USP10: variants seen among roughly 807,000 people sequenced by gnomAD.
The protein encoded by USP10 is ubiquitin specific peptidase 10.
A neutral mutation model predicts 84.5 loss-of-function variants in USP10; 22 were observed. The observed-to-expected ratio is 0.26, with a 90% CI of 0.19 to 0.37. The LOEUF (loss-of-function observed/expected upper bound fraction) is 0.37. Ranked by LOEUF, USP10 falls within the 10% of genes least tolerant of loss-of-function variation. The pLI is 1.00. For synonymous variants in USP10, 454 were observed against 387.6 expected (o/e 1.17, Z -2.01); for missense variants, 1,019 against 998.9 (o/e 1.02, Z -0.27).
In USP10 at chr16:84,779,203, G is replaced by T. The variant is rs1311156285; in HGVS notation, c.*121G>T. The T allele has an allele frequency of 7.2e-6, 9 of 1,246,738 alleles. No homozygotes were observed. Among genetic ancestry groups the T allele is most frequent in the Non-Finnish European group, 9.8e-6 (9 of 914,104 alleles). The allele number at this position is 1,246,738 out of a possible 1,614,324, so 77.2% of individuals were successfully genotyped here. A position where few individuals can be genotyped will look rare whatever the true frequency, so the allele number is the denominator to read the frequency against. ...ACTCTTTCTCCCTTTGCAAAAATGGGCTAGAATGAAAAGGAGATGCCTTGG... is the reference window on the plus strand; with the variant it reads ...ACTCTTTCTCCCTTTGCAAAAATGGTCTAGAATGAAAAGGAGATGCCTTGG... On this transcript the variant is annotated 3_prime_UTR_variant, in exon 14 of 14. Transcript: ENST00000219473.
intron 2 of USP10, among the ~76,000 whole-genome samples, chr16:84,735,765 G>C (rs1308592106): frequency 6.6e-6 from 1 of 152,052 alleles, no homozygotes; most frequent in Non-Finnish European, 1.5e-5. Flanking sequence ...GGGCTTTTCT[G>C]TTTTTCTTAT....
intron 10 of USP10, among the ~76,000 whole-genome samples, chr16:84,764,838 AAAAAG>A (rs1913642853): frequency 1.3e-5 from 2 of 151,568 alleles, no homozygotes; most frequent in South Asian, 4.2e-4. Context: ...TCAAGAAAAA[AAAAAG>A]AAAAAGATAC....
chr16:84,724,840 G>A (rs1239317365), intron 1 of USP10, among the ~76,000 whole-genome samples: 1 of 152,172 alleles, frequency 6.6e-6, no homozygotes, highest in African/African-American at 2.4e-5. Context: ...GCATTCACTA[G>A]TTGATGATAG....
intron 2 of USP10, among the ~76,000 whole-genome samples, chr16:84,737,781 G>C (rs1910121192): frequency 6.6e-6 from 1 of 152,164 alleles, no homozygotes; most frequent in South Asian, 2.1e-4. Context: ...ACAGTAACAG[G>C]ACCTCCTCCC....
chr16:84,760,619 G>A (rs866548255), intron 8 of USP10, among the ~76,000 whole-genome samples: 3 of 152,204 alleles, frequency 2.0e-5, no homozygotes, highest in Admixed American at 6.5e-5. Context: ...GGGGTAGAAT[G>A]GAGTGCACTG....
intron 1 of USP10, among the ~76,000 whole-genome samples, chr16:84,704,450 C>G (rs980015107): frequency 6.6e-6 from 1 of 152,230 alleles, no homozygotes; most frequent in Admixed American, 6.5e-5. Context: ...TGTCATTTGT[C>G]ACTTTAGTGC....
chr16:84,711,963 G>A (rs917687105), intron 1 of USP10, among the ~76,000 whole-genome samples: 72 of 151,980 alleles, frequency 4.7e-4, no homozygotes, highest in East Asian at 3.9e-4. Context: ...GAAGTGATCC[G>A]CCTGCCTCAG....
At chr16:84,700,741 T>A (rs1904757573) in intron 1 of USP10, among the ~76,000 whole-genome samples, 1 of 152,150 alleles carries the variant, frequency 6.6e-6, no homozygotes, top group Non-Finnish European at 1.5e-5. Flanking sequence ...GTGACATCCC[T>A]TGCACGAATC....
At chr16:84,750,590 T>C (rs558966049) in intron 4 of USP10, among the ~76,000 whole-genome samples, 74 of 152,294 alleles carry the variant, frequency 4.9e-4, no homozygotes, top group African/African-American at 1.7e-3. Context: ...TATGCTTTCA[T>C]TGAACATTGT....
Position 84,759,916 on chromosome 16 carries a change from A to G in USP10, c.1420A>G (p.Asn474Asp), listed in dbSNP as rs376292701. ...TGTTCGGCTAATGAATGAGTTCACT[A>G]ATATGCCAGTACCTCCAAAACCCCG... ...SFVRLMNEFT[N>D]MPVPPKPRQA... The change falls in exon 7 of 14, where the codon AAT (asparagine) becomes GAT (aspartate). Residue 474 changes from asparagine to aspartate, a missense_variant. Coordinates refer to ENST00000219473, the MANE Select transcript of USP10 (RefSeq NM_005153.3). The G allele has an allele frequency of 1.2e-6, 2 of 1,613,900 alleles. No homozygotes were observed. The highest frequency in any genetic ancestry group is 2.7e-5 in the African/African-American group (2 of 74,944).
chr16:84,727,952 A>G (rs1908720795), intron 1 of USP10, among the ~76,000 whole-genome samples: 1 of 152,234 alleles, frequency 6.6e-6, no homozygotes, highest in Non-Finnish European at 1.5e-5. Flanking sequence ...CTTCCAGCAC[A>G]GGATCCAGTC....
rs563671385 is a variant in USP10 at position 84,759,498 on chromosome 16, T to C, written c.1394+26T>C. On this transcript the variant is annotated intron_variant, in intron 6 of 13. Coordinates refer to ENST00000219473, the MANE Select transcript of USP10 (RefSeq NM_005153.3). ...GTAAGTAAGGTGGTGAAAGATGTGT[T>C]AAGTGGTGGGGTTTTTCCCGTCTGA... 1.9e-5 allele frequency: 31 copies of C among 1,598,116 alleles called. No homozygotes were observed. In the South Asian group the frequency reaches 3.1e-4, roughly 16 times the overall value.
chr16:84,766,111 C>G (rs1028828504), intron 10 of USP10, among the ~76,000 whole-genome samples: 2 of 152,310 alleles, frequency 1.3e-5, no homozygotes, highest in East Asian at 3.9e-4. Context: ...GGCATCAAGA[C>G]TTGATTCAGT....
chr16:84,759,829 T>G (rs1409657161), intron 6 of USP10, 62 bp from the exon 7 acceptor site: 2 of 1,516,406 alleles, frequency 1.3e-6, no homozygotes, highest in Middle Eastern at 2.1e-4. Context: ...CCATCAAAGC[T>G]CTTTAGTAAA....
At chr16:84,733,331 A>G in intron 1 of USP10, 104 bp from the exon 2 acceptor site, 1 of 862,222 alleles carries the variant, frequency 1.2e-6, no homozygotes, top group East Asian at 2.5e-5. Context: ...CTTGGGGGTT[A>G]TGGCCCAAAT....
chr16:84,719,132 A>G (rs1175297756), intron 1 of USP10, among the ~76,000 whole-genome samples: 1 of 152,100 alleles, frequency 6.6e-6, no homozygotes, highest in Non-Finnish European at 1.5e-5. Flanking sequence ...GCCTTTATTA[A>G]CTTGTTAATG....
At chr16:84,733,396 A>C (rs376365485) in intron 1 of USP10, 39 bp from the exon 2 acceptor site, 3 of 1,461,236 alleles carry the variant, frequency 2.1e-6, no homozygotes. Context: ...TATAATTTGT[A>C]TATTTTATGT....
intron 12 of USP10, among the ~76,000 whole-genome samples, chr16:84,773,559 C>G (rs760292819): frequency 6.2e-4 from 95 of 152,222 alleles, no homozygotes; most frequent in Non-Finnish European, 9.8e-4. Flanking sequence ...GACACTGTCT[C>G]TCCCAGGCCT....
intron 1 of USP10, among the ~76,000 whole-genome samples, chr16:84,723,508 C>A (rs1280255727): frequency 6.6e-6 from 1 of 152,114 alleles, no homozygotes; most frequent in East Asian, 1.9e-4. Context: ...CCCACTGACG[C>A]CTGGGAAGTC....
Sources: gnomAD v4.1 joint callset for allele counts (sites outside exome capture counted in the v4.1 genomes callset) on GRCh38, gnomAD v4.1.1 for gene constraint, MANE v1.5 for transcripts, NCBI Gene and HGNC (gene_info 2026-07-23, HGNC 2026-07-21) for gene names.